Variants in DNER observed in about 807,000 individuals in gnomAD.
DNER encodes the protein delta/notch like EGF repeat containing.
Under a neutral mutation model 78.2 loss-of-function variants are expected in DNER, and 33 were observed. The observed-to-expected ratio is 0.42, with a 90% CI of 0.32 to 0.56. The LOEUF (loss-of-function observed/expected upper bound fraction) is 0.56, where lower values mean the gene tolerates loss of function less well. Among genes scored for constraint, DNER ranks in the 20% least tolerant of loss-of-function variants. The probability of loss-of-function intolerance (pLI) is 0.11; values close to 1 mark genes in which losing one functional copy is unlikely to be tolerated. For missense variants in DNER, 918 were observed against 975.3 expected (o/e 0.94, Z 0.78); for synonymous variants, 417 against 384.8 (o/e 1.08, Z -0.98).
chr2:229,704,803 T>G (rs1267267691), intron 1 of DNER, among the ~76,000 whole-genome samples: 1 of 152,268 alleles, frequency 6.6e-6, no homozygotes, highest in African/African-American at 2.4e-5. Flanking sequence ...TATATCTTAA[T>G]TTTAAAAATA....
intron 6 of DNER, among the ~76,000 whole-genome samples, chr2:229,480,829 T>C (rs1695141975): frequency 6.6e-6 from 1 of 152,230 alleles, no homozygotes; most frequent in African/African-American, 2.4e-5. Flanking sequence ...AAAGTCTTTA[T>C]AGTAAAGATT....
intron 5 of DNER, among the ~76,000 whole-genome samples, chr2:229,519,789 G>A (rs1696059112): frequency 6.6e-6 from 1 of 152,026 alleles, no homozygotes; most frequent in African/African-American, 2.4e-5. Flanking sequence ...AATAACCCCG[G>A]CAATGGTGGC....
intron 1 of DNER, among the ~76,000 whole-genome samples, chr2:229,610,454 C>T (rs1698025675): frequency 6.6e-6 from 1 of 152,210 alleles, no homozygotes; most frequent in East Asian, 1.9e-4. Context: ...GAGCCTGCAG[C>T]TGACGTTCAT....
At chr2:229,468,445 G>A (rs189934027) in intron 7 of DNER, among the ~76,000 whole-genome samples, 111 of 152,128 alleles carry the variant, frequency 7.3e-4, no homozygotes, top group Non-Finnish European at 1.1e-3. Context: ...CCCTACACTC[G>A]ATGGATCAGC....
chr2:229,505,226 C>T (rs1368456831), intron 6 of DNER, among the ~76,000 whole-genome samples: 5 of 59,796 alleles, frequency 8.4e-5, no homozygotes, highest in Non-Finnish European at 1.3e-4. Flanking sequence ...GTGTTGGCTA[C>T]AATAAAAAAG....
chr2:229,687,533 G>A (rs1032410867), intron 1 of DNER, among the ~76,000 whole-genome samples: 1 of 151,934 alleles, frequency 6.6e-6, no homozygotes, highest in African/African-American at 2.4e-5. Flanking sequence ...CAAAGTGCTG[G>A]GGGATTACAG....
At chr2:229,412,649 C>A (rs1013500176) in intron 9 of DNER, among the ~76,000 whole-genome samples, 6 of 152,032 alleles carry the variant, frequency 3.9e-5, no homozygotes, top group African/African-American at 1.5e-4. Context: ...TGGATGAAAG[C>A]AAAGAGGAGG....
rs554379184 is a variant in DNER, at chr2:229,666,917, C to T, written c.276+47231G>A. 7.9e-5 allele frequency among the ~76,000 whole-genome samples: 12 copies of T among 152,272 alleles called. 1 individual carries two copies. In the South Asian group the frequency reaches 2.3e-3, roughly 29 times the overall value. ...ATCAGATGGTTCCAAATGGGAGCCACCAGAAAGCACCTGATGGAAACTAAC... is the reference window on the plus strand; with the variant it reads ...ATCAGATGGTTCCAAATGGGAGCCATCAGAAAGCACCTGATGGAAACTAAC... On this transcript the variant is annotated intron_variant, in intron 1 of 12. Coordinates refer to ENST00000341772, the MANE Select transcript of DNER (RefSeq NM_139072.4).
intron 4 of DNER, among the ~76,000 whole-genome samples, chr2:229,567,364 A>G (rs980610651): frequency 6.6e-6 from 1 of 152,232 alleles, no homozygotes; most frequent in African/African-American, 2.4e-5. Context: ...CCTAGTGCAC[A>G]GTAGGCACTC....
At chr2:229,554,549 G>A (rs550362962) in intron 4 of DNER, among the ~76,000 whole-genome samples, 1 of 152,168 alleles carries the variant, frequency 6.6e-6, no homozygotes, top group Non-Finnish European at 1.5e-5. Context: ...AAAATCAGCA[G>A]GGCATCATGG....
At chr2:229,470,492 AAAT>A (rs35509878) in intron 7 of DNER, among the ~76,000 whole-genome samples, 3 of 151,738 alleles carry the variant, frequency 2.0e-5, no homozygotes, top group Admixed American at 1.3e-4. Context: ...GCTATGCAAA[AAAT>A]AATAATAATA....
chr2:229,484,174 AG>A lies in DNER; in HGVS notation c.1148-6922del, dbSNP rs538719309. Among the ~76,000 whole-genome samples the A allele has an allele frequency of 1.3e-3, 198 of 152,348 alleles. 2 individuals are homozygous for A. The highest frequency in any genetic ancestry group is 4.5e-3 in the African/African-American group (189 of 41,586). On this transcript the variant is annotated intron_variant, in intron 6 of 12. Coordinates refer to ENST00000341772, the MANE Select transcript of DNER (RefSeq NM_139072.4). ...CAAAATCAACCATATCTTTCAACTT[AG>A]GTTTAGCCTCTCCCTAAGCAATAAT...
At chr2:229,412,699 A>C (rs191227973) in intron 9 of DNER, among the ~76,000 whole-genome samples, 111 of 152,338 alleles carry the variant, frequency 7.3e-4, no homozygotes, top group African/African-American at 2.6e-3. Flanking sequence ...CATTCATGGC[A>C]TCTGGGAGAC....
chr2:229,530,893 G>A (rs745865637), intron 5 of DNER, among the ~76,000 whole-genome samples: 1 of 152,144 alleles, frequency 6.6e-6, no homozygotes, highest in Non-Finnish European at 1.5e-5. Flanking sequence ...CAAGTTTCTT[G>A]GGATTATTCT....
intron 1 of DNER, among the ~76,000 whole-genome samples, chr2:229,655,115 G>GC (rs1309274076): frequency 1.3e-5 from 2 of 151,834 alleles, no homozygotes; most frequent in Non-Finnish European, 2.9e-5. Context: ...TCCACATAAG[G>GC]CCGTGGTACT....
intron 6 of DNER, among the ~76,000 whole-genome samples, chr2:229,480,415 T>C (rs1055827881): frequency 2.0e-5 from 3 of 152,238 alleles, no homozygotes; most frequent in Admixed American, 6.5e-5. Context: ...TTTACAAATT[T>C]AATTAAACAC....
At chr2:229,437,509 G>GA (rs1694147475) in intron 8 of DNER, among the ~76,000 whole-genome samples, 1 of 152,208 alleles carries the variant, frequency 6.6e-6, no homozygotes, top group Non-Finnish European at 1.5e-5. Context: ...TACAAGTCCA[G>GA]AAAAAAGTAG....
intron 1 of DNER, among the ~76,000 whole-genome samples, chr2:229,653,826 GA>G (rs1342333590): frequency 6.6e-6 from 1 of 152,150 alleles, no homozygotes; most frequent in African/African-American, 2.4e-5. Flanking sequence ...ACCCTAAAAG[GA>G]AATACCCAAC....
chr2:229,673,090 C>T (rs1477287996), intron 1 of DNER, among the ~76,000 whole-genome samples: 1 of 152,210 alleles, frequency 6.6e-6, no homozygotes, highest in Non-Finnish European at 1.5e-5. Context: ...CAGGGATCCA[C>T]TTTTCCTGTC....
Sources: allele counts gnomAD v4.1 joint callset (sites outside exome capture counted in the v4.1 genomes callset), GRCh38; gene constraint gnomAD v4.1.1; transcripts MANE v1.5; gene names NCBI Gene and HGNC (gene_info 2026-07-23, HGNC 2026-07-21).